SEC63: variants seen among roughly 807,000 people sequenced by gnomAD.
SEC63 encodes translocation protein SEC63 homolog.
In SEC63, 56 loss-of-function variants were observed where a neutral mutation model predicts 116.2. The ratio of observed to expected loss-of-function variants is 0.48; its 90% CI spans 0.39 to 0.60. SEC63 has a LOEUF of 0.60. SEC63 is among the 20% of genes least tolerant of loss of function. The pLI, the probability that SEC63 is intolerant of heterozygous loss-of-function variation, is 0.00. For synonymous variants in SEC63, 273 were observed against 294.6 expected, an observed-to-expected ratio of 0.93 and a Z score of 0.75; for missense variants, 668 against 900.0, an observed-to-expected ratio of 0.74 and a Z score of 3.30.
intron 1 of SEC63, among the ~76,000 whole-genome samples, chr6:107,933,856 G>A (rs531504281): frequency 8.1e-4 from 124 of 152,280 alleles, no homozygotes; most frequent in African/African-American, 1.8e-3. Flanking sequence ...GAGTGCCTGC[G>A]ATTGCAGGCG....
chr6:107,944,351 A>G (rs1032910977), intron 1 of SEC63, among the ~76,000 whole-genome samples: 5 of 152,182 alleles, frequency 3.3e-5, no homozygotes, highest in African/African-American at 1.2e-4. Flanking sequence ...TAGATATCCA[A>G]GTGGAAATGT....
chr6:107,891,522 G>C (rs538054564), intron 16 of SEC63, among the ~76,000 whole-genome samples: 5 of 152,056 alleles, frequency 3.3e-5, no homozygotes, highest in Non-Finnish European at 5.9e-5. Context: ...CTTTAGCTTG[G>C]AGGAGTTTGT....
At chr6:107,900,863 A>G (rs1411959902) in intron 13 of SEC63, among the ~76,000 whole-genome samples, 1 of 152,220 alleles carries the variant, frequency 6.6e-6, no homozygotes, top group Non-Finnish European at 1.5e-5. Context: ...GCAATTATAT[A>G]GGTAGAAAAA....
At chr6:107,954,469 AAAAAAAAAAAATC>A (rs1770665461) in intron 1 of SEC63, 1 of 112,570 alleles carries the variant, frequency 8.9e-6, no homozygotes, top group Non-Finnish European at 1.7e-5. Context: ...TCAATTAAAA[AAAAAAAAAAAATC>A]AAAAAAAAAA....
intron 8 of SEC63, among the ~76,000 whole-genome samples, 183 bp from the exon 9 acceptor site, chr6:107,906,960 A>C (rs111567941): frequency 2.6e-5 from 4 of 152,356 alleles, no homozygotes; most frequent in African/African-American, 9.6e-5. Context: ...TCGCTTTTTA[A>C]AATGTACACA....
At chr6:107,924,956 A>C in intron 2 of SEC63, 24 bp from the exon 3 acceptor site, 1 of 1,294,822 alleles carries the variant, frequency 7.7e-7, no homozygotes, top group Non-Finnish European at 1.1e-6. Context: ...AGGTAAGTGA[A>C]TCATAAACAA....
intron 1 of SEC63, among the ~76,000 whole-genome samples, chr6:107,939,622 G>A (rs1264588061): frequency 6.6e-6 from 1 of 152,204 alleles, no homozygotes; most frequent in South Asian, 2.1e-4. Context: ...TGTGGGTGGT[G>A]AGCACCTGTT....
rs751883776 is a variant in SEC63 at position 107,904,642 on chromosome 6, G to A, written c.1041C>T (p.Ala347=). The change falls in exon 11 of 21, where the codon GCC becomes GCT. Residue 347 remains alanine, a synonymous_variant. Transcript: ENST00000369002. The part of the protein sequence containing the change: ...VNVICQLIVM[A]RNREEREFRA... ...TTTCCTCCTCACCTTCACGGTTCCG[G>A]GCCATTACTATTAGTTGGCAGATTA... 4 of 1,610,656 alleles carry A rather than the reference G, an allele frequency of 2.5e-6. No homozygotes were observed. The African/African-American group carries it at 4.0e-5, about 16-fold the overall frequency.
In SEC63 at chr6:107,868,878, T is replaced by A. The variant is rs906881969; in HGVS notation, c.*2826A>T. The A allele has an allele frequency of 6.6e-6, 1 of 152,180 alleles. No individual in the cohort carries two copies. The highest frequency in any genetic ancestry group is 2.4e-5 in the African/African-American group (1 of 41,434). The allele number at this position is 152,180 out of a possible 1,614,324, so 9.4% of individuals were successfully genotyped here. A position where few individuals can be genotyped will look rare whatever the true frequency, so the allele number is the denominator to read the frequency against. ...ACAACCTCTCAAAAATTATGTAAGG[T>A]GCTGAATTACATTTGAAATAAGAAT... On this transcript the variant is annotated 3_prime_UTR_variant, in exon 21 of 21. Coordinates refer to ENST00000369002, the MANE Select transcript of SEC63 (RefSeq NM_007214.5).
chr6:107,874,330 C>G lies in SEC63; in HGVS notation c.2035-1418G>C, dbSNP rs150397882. On this transcript the variant is annotated intron_variant, in intron 19 of 20. Transcript: ENST00000369002. ...AACAAGGAAGCCGGGCACGGTGGCTCACGCCTGTAATCCCAGCACTTTGGG... is the reference window on the plus strand; with the variant it reads ...AACAAGGAAGCCGGGCACGGTGGCTGACGCCTGTAATCCCAGCACTTTGGG... Among the ~76,000 whole-genome samples the G allele has an allele frequency of 3.5e-3, 528 of 152,282 alleles. 4 individuals carry two copies. Among genetic ancestry groups the G allele is most frequent in the African/African-American group, 0.012 (506 of 41,556 alleles).
At chr6:107,918,585 G>A (rs189692639) in intron 4 of SEC63, among the ~76,000 whole-genome samples, 27 of 151,768 alleles carry the variant, frequency 1.8e-4, no homozygotes, top group South Asian at 8.3e-4. Context: ...CGAGCTACTC[G>A]GGAGGCTGAG....
chr6:107,934,592 G>A (rs1183632776), intron 1 of SEC63, among the ~76,000 whole-genome samples: 3 of 149,080 alleles, frequency 2.0e-5, no homozygotes, highest in South Asian at 4.3e-4. Flanking sequence ...GAGCGTCTCC[G>A]CCCGGCAGCC....
At chr6:107,928,142 A>T (rs1420354494) in intron 2 of SEC63, among the ~76,000 whole-genome samples, 1 of 152,202 alleles carries the variant, frequency 6.6e-6, no homozygotes, top group African/African-American at 2.4e-5. Context: ...ACATCATTAA[A>T]GAACTCTTAA....
chr6:107,926,987 T>A (rs1324410055), intron 2 of SEC63, among the ~76,000 whole-genome samples: 1 of 152,174 alleles, frequency 6.6e-6, no homozygotes, highest in Admixed American at 6.5e-5. Context: ...TCAATTTTTT[T>A]AAAAAACCTG....
Position 107,901,365 on chromosome 6 carries a change from C to T in SEC63, c.1357+5G>A. 1 of 1,612,166 alleles carries T rather than the reference C, an allele frequency of 6.2e-7. No individual in the cohort carries two copies. The highest frequency in any genetic ancestry group is 8.5e-7 in the Non-Finnish European group (1 of 1,179,496). On this transcript the variant is annotated splice_donor_5th_base_variant and intron_variant, in intron 13 of 20. Coordinates refer to ENST00000369002, the MANE Select transcript of SEC63 (RefSeq NM_007214.5). ...CAATGCTCAACAGAGAAACCTCCCA[C>T]TTACCCTGTGATTTTATATCCATGG...
rs778277539 is a variant in SEC63 at position 107,904,669 on chromosome 6, A to G, written c.1014T>C (p.Asn338=). The G allele has an allele frequency of 9.3e-6, 15 of 1,613,932 alleles. No individual in the cohort carries two copies. Among genetic ancestry groups the G allele is most frequent in the Non-Finnish European group, 1.2e-5 (14 of 1,179,810 alleles). ...CCATTACTATTAGTTGGCAGATTAC[A>G]TTAACCATTTCTTGAAGTAGGGCAG... ...KCPALLQEMV[N]VICQLIVMAR... Residue 338 remains asparagine (N), a synonymous_variant, in exon 11 of 21, where the codon AAT becomes AAC. Coordinates refer to ENST00000369002, the MANE Select transcript of SEC63 (RefSeq NM_007214.5).
At chr6:107,905,229 GGT>G (rs1164122195) in intron 10 of SEC63, among the ~76,000 whole-genome samples, 2 of 152,170 alleles carry the variant, frequency 1.3e-5, no homozygotes, top group Non-Finnish European at 2.9e-5. Context: ...GCTTCTTACA[GGT>G]AAGTAAAAAT....
At chr6:107,884,238 A>G (rs1275798078) in intron 16 of SEC63, among the ~76,000 whole-genome samples, 3 of 128,464 alleles carry the variant, frequency 2.3e-5, no homozygotes, top group African/African-American at 8.3e-5. Flanking sequence ...GTAACAGAGC[A>G]TGACTCTGTC....
chr6:107,909,898 T>C (rs929762959), intron 7 of SEC63, among the ~76,000 whole-genome samples: 2 of 152,196 alleles, frequency 1.3e-5, no homozygotes, highest in African/African-American at 4.8e-5. Context: ...AAATGGTGAA[T>C]ATCAAATTGT....
Sources: allele counts gnomAD v4.1 joint callset (sites outside exome capture counted in the v4.1 genomes callset), GRCh38; gene constraint gnomAD v4.1.1; transcripts MANE v1.5; gene names NCBI Gene and HGNC (gene_info 2026-07-23, HGNC 2026-07-21).